AUTS2: variants seen among roughly 807,000 people sequenced by gnomAD.
AUTS2 encodes autism susceptibility gene 2 protein.
Under a neutral mutation model 112.4 loss-of-function variants are expected in AUTS2, and 17 were observed. The observed-to-expected ratio is 0.15, with a 90% CI of 0.10 to 0.23. The LOEUF is 0.23. Ranked by LOEUF, AUTS2 falls within the 10% of genes least tolerant of loss-of-function variation. The probability of loss-of-function intolerance (pLI) is 1.00; values close to 1 mark genes in which losing one functional copy is unlikely to be tolerated. For missense variants in AUTS2, 1,510 were observed against 1,701.6 expected (o/e 0.89, Z 1.98); for synonymous variants, 751 against 702.7 (o/e 1.07, Z -1.09).
At chr7:70,064,230 A>C (rs1439551685) in intron 2 of AUTS2, among the ~76,000 whole-genome samples, 1 of 152,170 alleles carries the variant, frequency 6.6e-6, no homozygotes, top group African/African-American at 2.4e-5. Context: ...GGGAGATTAC[A>C]AATGCCTTGC....
At chr7:70,577,526 A>C (rs986290085) in intron 5 of AUTS2, among the ~76,000 whole-genome samples, 2 of 152,192 alleles carry the variant, frequency 1.3e-5, no homozygotes, top group Non-Finnish European at 2.9e-5. Flanking sequence ...GGGAATATGT[A>C]AGTGATACAT....
At chr7:70,046,979 G>GT (rs1158852364) in intron 2 of AUTS2, among the ~76,000 whole-genome samples, 1 of 152,128 alleles carries the variant, frequency 6.6e-6, no homozygotes, top group Non-Finnish European at 1.5e-5. Flanking sequence ...GAACCAGTTG[G>GT]TTTTTTATTG....
intron 1 of AUTS2, among the ~76,000 whole-genome samples, chr7:69,781,674 C>T (rs949149543): frequency 2.0e-5 from 3 of 152,232 alleles, no homozygotes; most frequent in Non-Finnish European, 2.9e-5. Flanking sequence ...CTCTTCTCCA[C>T]ATTACTTGTA....
intron 1 of AUTS2, among the ~76,000 whole-genome samples, chr7:69,601,439 T>G (rs2129069396): frequency 6.6e-6 from 1 of 152,304 alleles, no homozygotes; most frequent in Admixed American, 6.5e-5. Flanking sequence ...TTTAAATATT[T>G]TTTTCAAAGG....
intron 4 of AUTS2, among the ~76,000 whole-genome samples, chr7:70,138,667 C>T (rs1806697088): frequency 6.6e-6 from 1 of 152,140 alleles, no homozygotes. Context: ...TTAAAGTTAT[C>T]AGGGAAAACA....
chr7:70,270,249 T>G (rs1787626845), intron 4 of AUTS2, among the ~76,000 whole-genome samples: 1 of 152,188 alleles, frequency 6.6e-6, no homozygotes, highest in African/African-American at 2.4e-5. Context: ...AAAATGAATA[T>G]GGCAGGTCCC....
intron 1 of AUTS2, among the ~76,000 whole-genome samples, chr7:69,811,188 G>C (rs1790529126): frequency 6.6e-6 from 1 of 152,128 alleles, no homozygotes; most frequent in Non-Finnish European, 1.5e-5. Flanking sequence ...CTTATGGGAA[G>C]AGTACTGCTG....
At chr7:70,360,428 C>G (rs949235585) in intron 4 of AUTS2, among the ~76,000 whole-genome samples, 7 of 152,336 alleles carry the variant, frequency 4.6e-5, no homozygotes, top group South Asian at 2.1e-4. Flanking sequence ...GCATGAGCCA[C>G]TAAGCTCGGC....
intron 2 of AUTS2, among the ~76,000 whole-genome samples, chr7:69,983,160 T>G (rs1798365404): frequency 6.6e-6 from 1 of 152,210 alleles, no homozygotes; most frequent in Non-Finnish European, 1.5e-5. Context: ...GAATTTTAAT[T>G]TTTGCATATT....
chr7:70,588,416 G>A (rs766294048), intron 5 of AUTS2, among the ~76,000 whole-genome samples: 4 of 152,158 alleles, frequency 2.6e-5, no homozygotes, highest in East Asian at 1.9e-4. Flanking sequence ...AGAGGGGGAC[G>A]ACGGGGAAGA....
intron 5 of AUTS2, among the ~76,000 whole-genome samples, chr7:70,490,121 G>A (rs2116393416): frequency 6.6e-6 from 1 of 152,014 alleles, no homozygotes; most frequent in South Asian, 2.1e-4. Flanking sequence ...GAGGAGGTAG[G>A]AACCGAAGAA....
intron 1 of AUTS2, among the ~76,000 whole-genome samples, chr7:69,632,808 G>A (rs376178338): frequency 1.3e-5 from 2 of 152,178 alleles, no homozygotes; most frequent in South Asian, 4.2e-4. Context: ...AATGTTAAAT[G>A]TAGTGAACCT....
chr7:70,315,935 C>T (rs1789974005), intron 4 of AUTS2, among the ~76,000 whole-genome samples: 1 of 152,142 alleles, frequency 6.6e-6, no homozygotes. Flanking sequence ...TATTTAGTTG[C>T]CTTCTCAAGT....
chr7:70,599,914 C>T (rs1395302638), intron 5 of AUTS2, among the ~76,000 whole-genome samples: 1 of 152,216 alleles, frequency 6.6e-6, no homozygotes, highest in African/African-American at 2.4e-5. Context: ...ACAGTGTCCA[C>T]CACATGCACT....
intron 1 of AUTS2, among the ~76,000 whole-genome samples, chr7:69,750,242 G>T (rs1490882485): frequency 1.3e-5 from 2 of 151,896 alleles, no homozygotes; most frequent in African/African-American, 4.8e-5. Context: ...AAGGGTGTGT[G>T]GGTTCTCAAG....
chr7:70,745,947 T>C (rs1033424174), intron 6 of AUTS2, among the ~76,000 whole-genome samples: 12 of 152,246 alleles, frequency 7.9e-5, no homozygotes, highest in Admixed American at 1.3e-4. Flanking sequence ...TTATGATTTT[T>C]TTCCTTTTGA....
chr7:69,888,497 A>G (rs1794373096), intron 1 of AUTS2, among the ~76,000 whole-genome samples: 1 of 145,692 alleles, frequency 6.9e-6, no homozygotes, highest in Non-Finnish European at 1.5e-5. Flanking sequence ...ATCCAATCCC[A>G]TGACCCAAAT....
intron 5 of AUTS2, among the ~76,000 whole-genome samples, chr7:70,566,102 G>A (rs1261134819): frequency 2.0e-5 from 3 of 152,160 alleles, no homozygotes; most frequent in Non-Finnish European, 4.4e-5. Context: ...ATGAAGCAAA[G>A]AATCCGATCC....
Position 69,612,225 on chromosome 7 carries a change from G to T in AUTS2, c.309+12263G>T, listed in dbSNP as rs146031411. 2.0e-5 allele frequency among the ~76,000 whole-genome samples: 3 copies of T among 152,234 alleles called. No individual in the cohort carries two copies. The East Asian group carries it at 5.8e-4, about 29-fold the overall frequency. ...AGTTTTGGGGGTATTTCATCTTTCT[G>T]ACATGGTTTTCCCATGTATGGAGAT... On this transcript the variant is annotated intron_variant, in intron 1 of 18. Coordinates refer to ENST00000342771, the MANE Select transcript of AUTS2 (RefSeq NM_015570.4).
Sources: gnomAD v4.1 joint callset for allele counts (sites outside exome capture counted in the v4.1 genomes callset) on GRCh38, gnomAD v4.1.1 for gene constraint, MANE v1.5 for transcripts, NCBI Gene and HGNC (gene_info 2026-07-23, HGNC 2026-07-21) for gene names.